CELF2: variants seen among roughly 807,000 people sequenced by gnomAD.
CELF2 encodes CUG triplet repeat RNA-binding protein 2.
CELF2 carries 8 observed loss-of-function variants against 62.6 expected under a neutral mutation model. The observed-to-expected ratio is 0.13, with a 90% CI of 0.07 to 0.23. The LOEUF is 0.23. Among genes scored for constraint, CELF2 ranks in the 10% least tolerant of loss-of-function variants. The pLI is 1.00. For synonymous variants in CELF2, 258 were observed against 250.0 expected (o/e 1.03, Z -0.30); for missense variants, 333 against 671.0 (o/e 0.50, Z 5.56).
the CELF2 span, among the ~76,000 whole-genome samples, chr10:10,512,615 G>T: frequency 6.6e-6 from 1 of 151,894 alleles, no homozygotes; most frequent in Admixed American, 6.6e-5. Flanking sequence ...GGGTTTCACC[G>T]TGTTGGCCAG....
intron 1 of CELF2, among the ~76,000 whole-genome samples, chr10:10,859,214 G>T (rs2059921036): frequency 6.6e-6 from 1 of 152,220 alleles, no homozygotes; most frequent in South Asian, 2.1e-4. Flanking sequence ...AAAACAAATT[G>T]CTCATTCCCT....
the CELF2 span, among the ~76,000 whole-genome samples, chr10:10,517,013 T>C: frequency 6.6e-6 from 1 of 152,212 alleles, no homozygotes; most frequent in Non-Finnish European, 1.5e-5. Flanking sequence ...CACTCATTAC[T>C]GGATGTTGCA....
At position 11,319,793 on chromosome 10, in the gene CELF2, C is replaced by A. The variant is rs1342337176; in HGVS notation, c.1097-1396C>A. ...AAGCTATAGCCTAATTCATATCTTA[C>A]ATGTGTCCTTTTAATTGAAGAGGCG... On this transcript the variant is annotated intron_variant, in intron 10 of 12. Coordinates refer to ENST00000633077, the MANE Select transcript of CELF2 (RefSeq NM_001326342.2). This position sits in a 1 kb window ranked among gnomAD's most constrained non-coding sequence, Gnocchi z 4.4. 6.4e-6 allele frequency: 3 copies of A among 470,916 alleles called. No homozygotes were observed. In the East Asian group the frequency reaches 2.1e-4, roughly 33 times the overall value. 29.2% of individuals were successfully genotyped at this position (470,916 alleles called of 1,614,324 possible). A position where few individuals can be genotyped will look rare whatever the true frequency, so the allele number is the denominator to read the frequency against.
intron 2 of CELF2, among the ~76,000 whole-genome samples, chr10:11,175,308 C>A (rs1228010572): frequency 6.6e-6 from 1 of 151,956 alleles, no homozygotes; most frequent in Non-Finnish European, 1.5e-5. Context: ...CTTAAAAGAC[C>A]TCAGAGCATT....
the CELF2 span, among the ~76,000 whole-genome samples, chr10:10,491,377 T>C: frequency 6.6e-6 from 1 of 152,230 alleles, no homozygotes; most frequent in African/African-American, 2.4e-5. Context: ...TCCTGCAGTA[T>C]GTGCACTAGA....
At chr10:10,785,287 A>T in the CELF2 span, among the ~76,000 whole-genome samples, 7 of 152,150 alleles carry the variant, frequency 4.6e-5, no homozygotes, top group African/African-American at 1.7e-4. Flanking sequence ...TCTCAATATC[A>T]TCTGGAGTGT....
the CELF2 span, among the ~76,000 whole-genome samples, chr10:10,648,433 A>C: frequency 3.3e-5 from 5 of 152,200 alleles, no homozygotes; most frequent in African/African-American, 1.2e-4. Context: ...GTCTGGTATC[A>C]AAAATGCTCT....
the CELF2 span, among the ~76,000 whole-genome samples, chr10:10,667,216 G>A: frequency 6.6e-6 from 1 of 152,340 alleles, no homozygotes; most frequent in East Asian, 1.9e-4. Context: ...TTACTACTCA[G>A]ACAGCTGACT....
chr10:10,609,282 T>G, the CELF2 span, among the ~76,000 whole-genome samples: 1,046 of 152,338 alleles, frequency 6.9e-3, 6 homozygotes, highest in South Asian at 0.034. Flanking sequence ...TCTGCTTTGC[T>G]GCCACCAGCA....
chr10:10,656,396 A>T, the CELF2 span, among the ~76,000 whole-genome samples: 1 of 134,496 alleles, frequency 7.4e-6, no homozygotes, highest in African/African-American at 2.7e-5. Flanking sequence ...ACTATAAATC[A>T]TGCTGCTATA....
At position 11,224,376 on chromosome 10, in the gene CELF2, T is replaced by A. The variant is rs530962196; in HGVS notation, c.354+6869T>A. 6.6e-6 allele frequency among the ~76,000 whole-genome samples: 1 copy of A among 152,258 alleles called. No homozygotes were observed. Among genetic ancestry groups the A allele is most frequent in the Non-Finnish European group, 1.5e-5 (1 of 68,030 alleles). ...AGTATCTTGTGAGGGGATGGTAGGA[T>A]GGTACAATGGCAAAATGAAGCCATA... On this transcript the variant is annotated intron_variant, in intron 3 of 12. Coordinates refer to ENST00000633077, the MANE Select transcript of CELF2 (RefSeq NM_001326342.2). The surrounding 1 kb of genome is among the most constrained non-coding windows in gnomAD (Gnocchi z 4.5).
At chr10:10,742,294 G>A in the CELF2 span, among the ~76,000 whole-genome samples, 2 of 152,134 alleles carry the variant, frequency 1.3e-5, no homozygotes, top group African/African-American at 4.8e-5. Flanking sequence ...TTACTGTATA[G>A]TCAAATTTAT....
At chr10:10,585,115 G>C in the CELF2 span, among the ~76,000 whole-genome samples, 2 of 152,112 alleles carry the variant, frequency 1.3e-5, no homozygotes, top group Non-Finnish European at 2.9e-5. Flanking sequence ...TTTGAGAATG[G>C]CTGGAAGCAA....
rs2061824419 is a variant in CELF2 at position 11,211,754 on chromosome 10, C to A, written c.272-5671C>A. Among the ~76,000 whole-genome samples the A allele has an allele frequency of 6.7e-6, 1 of 149,558 alleles. No homozygotes were observed. The highest frequency in any genetic ancestry group is 2.5e-5 in the African/African-American group (1 of 40,474). ...TTTCTTTATGATTTTAAACACACTACTGTGTGTGAGTGAGTGAGAGTGTGT... is the reference window on the plus strand; with the variant it reads ...TTTCTTTATGATTTTAAACACACTAATGTGTGTGAGTGAGTGAGAGTGTGT... On this transcript the variant is annotated intron_variant, in intron 2 of 12. Coordinates refer to ENST00000633077, the MANE Select transcript of CELF2 (RefSeq NM_001326342.2). The surrounding 1 kb of genome is among the most constrained non-coding windows in gnomAD (Gnocchi z 4.8).
chr10:11,224,010 G>A lies in CELF2; in HGVS notation c.354+6503G>A, dbSNP rs377307003. On this transcript the variant is annotated intron_variant, in intron 3 of 12. Transcript: ENST00000633077. This position sits in a 1 kb window ranked among gnomAD's most constrained non-coding sequence, Gnocchi z 4.5. ...GTAATGTTGATGGGCAGTTATTTAC[G>A]TACGGCTTTGATTAAAATAAAAAAC... Among the ~76,000 whole-genome samples, 8 of 152,134 alleles carry A rather than the reference G, an allele frequency of 5.3e-5. No homozygotes were observed. The highest frequency in any genetic ancestry group is 2.1e-4 in the South Asian group (1 of 4,828).
chr10:10,573,288 T>C, the CELF2 span, among the ~76,000 whole-genome samples: 1 of 152,212 alleles, frequency 6.6e-6, no homozygotes, highest in Admixed American at 6.5e-5. Context: ...AAAAGTTTTC[T>C]CCCACTCTGC....
the CELF2 span, among the ~76,000 whole-genome samples, chr10:10,620,291 A>G: frequency 6.6e-6 from 1 of 151,684 alleles, no homozygotes; most frequent in Non-Finnish European, 1.5e-5. Context: ...CCAGCTACAC[A>G]GGAGGCTGAG....
At chr10:11,120,673 C>CTGTT (rs1195677298) in intron 1 of CELF2, among the ~76,000 whole-genome samples, 1 of 152,212 alleles carries the variant, frequency 6.6e-6, no homozygotes, top group Non-Finnish European at 1.5e-5. Context: ...AGAGCCTTTG[C>CTGTT]TGTTACCTTT....
At chr10:10,557,132 G>A in the CELF2 span, among the ~76,000 whole-genome samples, 2 of 140,536 alleles carry the variant, frequency 1.4e-5, no homozygotes, top group Admixed American at 7.2e-5. Flanking sequence ...GAATGGTAAT[G>A]CCTAGGTTTT....
Sources: allele counts gnomAD v4.1 joint callset (sites outside exome capture counted in the v4.1 genomes callset), GRCh38; gene constraint gnomAD v4.1.1; non-coding constraint Gnocchi (gnomAD v3.1); transcripts MANE v1.5; gene names NCBI Gene and HGNC (gene_info 2026-07-23, HGNC 2026-07-21).